The following AMPH variants were observed in gnomAD, a reference collection of about 807,000 sequenced individuals.
AMPH encodes the protein amphiphysin.
In AMPH, 49 loss-of-function variants were observed where a neutral mutation model predicts 99.1. The ratio of observed to expected loss-of-function variants is 0.49; its 90% CI spans 0.39 to 0.63. AMPH has a LOEUF of 0.63. Among genes scored for constraint, AMPH ranks in the 20% least tolerant of loss-of-function variants. AMPH has a pLI of 0.00. For synonymous variants in AMPH, 314 were observed against 317.3 expected (o/e 0.99, Z 0.11); for missense variants, 759 against 863.4 (o/e 0.88, Z 1.52).
At chr7:38,510,750 TA>T (rs1231955587) in intron 2 of AMPH, among the ~76,000 whole-genome samples, 2 of 152,058 alleles carry the variant, frequency 1.3e-5, no homozygotes, top group Non-Finnish European at 2.9e-5. Flanking sequence ...CCCCAGGCTG[TA>T]AAGGATGATG....
At chr7:38,393,210 C>T (rs1302242928) in intron 18 of AMPH, among the ~76,000 whole-genome samples, 1 of 152,152 alleles carries the variant, frequency 6.6e-6, no homozygotes, top group Admixed American at 6.5e-5. Flanking sequence ...TCTGCCTCAG[C>T]CCCCAGCCCA....
At chr7:38,585,671 C>T (rs964863636) in intron 1 of AMPH, among the ~76,000 whole-genome samples, 1 of 152,214 alleles carries the variant, frequency 6.6e-6, no homozygotes, top group African/African-American at 2.4e-5. Flanking sequence ...TGGATCTGTC[C>T]AATAGCCTCA....
chr7:38,475,256 A>C (rs1584140528), intron 7 of AMPH, 75 bp downstream of exon 7: 1 of 948,086 alleles, frequency 1.1e-6, no homozygotes. Context: ...GTAATAATAA[A>C]GACAAGATAA....
intron 13 of AMPH, among the ~76,000 whole-genome samples, chr7:38,431,371 G>C (rs188449562): frequency 5.8e-4 from 88 of 152,236 alleles, no homozygotes; most frequent in African/African-American, 2.0e-3. Context: ...TTTAGAAATT[G>C]CTCAGGCTGG....
chr7:38,587,775 A>C (rs1792708306), intron 1 of AMPH, among the ~76,000 whole-genome samples: 1 of 152,286 alleles, frequency 6.6e-6, no homozygotes, highest in African/African-American at 2.4e-5. Context: ...AACTGTCATA[A>C]TAATTGTGCT....
At chr7:38,573,871 CATT>C (rs1792136469) in intron 1 of AMPH, among the ~76,000 whole-genome samples, 1 of 152,142 alleles carries the variant, frequency 6.6e-6, no homozygotes, top group South Asian at 2.1e-4. Context: ...TGTAGTAACT[CATT>C]TAATTTTCAT....
chr7:38,481,797 G>A (rs1788293272), intron 5 of AMPH, among the ~76,000 whole-genome samples: 1 of 152,062 alleles, frequency 6.6e-6, no homozygotes, highest in Non-Finnish European at 1.5e-5. Context: ...AGTCAACTGT[G>A]TTCCATGCTT....
Position 38,462,956 on chromosome 7 carries a change from ATATTT to A in AMPH, c.888+14_888+18del. 6.5e-7 allele frequency: 1 copy of A among 1,535,318 alleles called. No homozygotes were observed. Among genetic ancestry groups the A allele is most frequent in the East Asian group, 2.3e-5 (1 of 44,168 alleles). On this transcript the variant is annotated intron_variant, in intron 10 of 20. Transcript: ENST00000356264. ...CTCATCATGAGCTCTATCCCCCAAT[ATATTT>A]GACCTCTTCCTACCTGTGAAGGTGA...
chr7:38,560,281 T>C (rs533255532), intron 1 of AMPH, among the ~76,000 whole-genome samples: 133 of 152,292 alleles, frequency 8.7e-4, no homozygotes, highest in Non-Finnish European at 1.7e-3. Flanking sequence ...CAGGCTAGTT[T>C]GTTAGATGAT....
At chr7:38,513,255 T>G (rs1256947753) in intron 2 of AMPH, among the ~76,000 whole-genome samples, 1 of 152,220 alleles carries the variant, frequency 6.6e-6, no homozygotes. Flanking sequence ...TTTTGCCATA[T>G]AATGAATACA....
chr7:38,451,073 T>C (rs933258631), intron 11 of AMPH, among the ~76,000 whole-genome samples: 1 of 149,210 alleles, frequency 6.7e-6, no homozygotes, highest in African/African-American at 2.5e-5. Flanking sequence ...TTTTTTTTTT[T>C]GTAGAGACAG....
intron 3 of AMPH, among the ~76,000 whole-genome samples, chr7:38,503,111 C>A (rs929334424): frequency 2.6e-5 from 4 of 152,238 alleles, no homozygotes; most frequent in African/African-American, 9.6e-5. Context: ...CCTTACATGG[C>A]TGAGTCCAGA....
intron 5 of AMPH, among the ~76,000 whole-genome samples, chr7:38,481,712 G>A (rs1788289444): frequency 6.6e-6 from 1 of 152,050 alleles, no homozygotes; most frequent in African/African-American, 2.4e-5. Flanking sequence ...TCACTGATGG[G>A]CTCAAGTAAA....
intron 14 of AMPH, chr7:38,429,562 T>A (rs1001731256): frequency 7.0e-7 from 1 of 1,434,654 alleles, no homozygotes; most frequent in Non-Finnish European, 9.2e-7. Context: ...AAGGAAAGAC[T>A]TTCTGAAGAG....
intron 1 of AMPH, among the ~76,000 whole-genome samples, chr7:38,544,195 AT>A (rs2129043911): frequency 6.6e-6 from 1 of 152,332 alleles, no homozygotes; most frequent in South Asian, 2.1e-4. Context: ...AATGGAAACT[AT>A]ATGACATCAT....
chr7:38,396,442 A>G (rs1784671744), intron 17 of AMPH, among the ~76,000 whole-genome samples: 1 of 152,196 alleles, frequency 6.6e-6, no homozygotes, highest in African/African-American at 2.4e-5. Flanking sequence ...GTGGAACTGT[A>G]AGTCCAATAA....
chr7:38,537,336 T>C (rs994339649), intron 1 of AMPH, among the ~76,000 whole-genome samples: 1 of 152,156 alleles, frequency 6.6e-6, no homozygotes, highest in African/African-American at 2.4e-5. Flanking sequence ...AGGATACACA[T>C]GGAAATACTA....
chr7:38,390,420 G>C (rs960266123), intron 19 of AMPH, among the ~76,000 whole-genome samples: 1 of 151,980 alleles, frequency 6.6e-6, no homozygotes, highest in African/African-American at 2.4e-5. Context: ...TTTTGAAAAA[G>C]ATTTCCTTAA....
At chr7:38,486,905 T>A (rs76685642) in intron 5 of AMPH, among the ~76,000 whole-genome samples, 15,146 of 152,072 alleles carry the variant, frequency 0.1, 1,176 homozygotes, top group East Asian at 0.3. Context: ...CTCAGCAAAC[T>A]AGAAATAGAG....
Sources: allele counts gnomAD v4.1 joint callset (sites outside exome capture counted in the v4.1 genomes callset), GRCh38; gene constraint gnomAD v4.1.1; transcripts MANE v1.5; gene names NCBI Gene and HGNC (gene_info 2026-07-23, HGNC 2026-07-21).